FAM186B: variants seen among roughly 807,000 people sequenced by gnomAD.
FAM186B encodes protein FAM186B.
A neutral mutation model predicts 83.4 loss-of-function variants in FAM186B; 68 were observed. That is an observed-to-expected ratio of 0.81 (90% confidence interval 0.67 to 1.00). The LOEUF (loss-of-function observed/expected upper bound fraction) is 1.00, where lower values mean the gene tolerates loss of function less well. Among genes scored for constraint, FAM186B ranks in the 50% least tolerant of loss-of-function variants. FAM186B has a pLI of 0.00. For synonymous variants in FAM186B, 389 were observed against 422.0 expected (o/e 0.92, Z 0.96); for missense variants, 983 against 1,099.2 (o/e 0.89, Z 1.49).
At chr12:49,587,980 T>C (rs1225200356) in intron 6 of FAM186B, among the ~76,000 whole-genome samples, 2 of 152,176 alleles carry the variant, frequency 1.3e-5, no homozygotes, top group Non-Finnish European at 2.9e-5. Context: ...GCCCCTGTCC[T>C]TCAAGGAACA....
chr12:49,613,738 C>G, the FAM186B span, among the ~76,000 whole-genome samples: 1 of 151,724 alleles, frequency 6.6e-6, no homozygotes, highest in Non-Finnish European at 1.5e-5. Flanking sequence ...ACTTGGGAGG[C>G]TGAGGCGGGA....
Position 49,601,020 on chromosome 12 carries a change from G to A in FAM186B, c.620C>T (p.Thr207Met). ...QMLQDQHTMN[T>M]KASEVTSMLQ... ...CATGGACGTCACCTCCGAGGCCTTCGTGTTCATGGTATGCTGGTCCTGGAG... is the reference window on the plus strand; with the variant it reads ...CATGGACGTCACCTCCGAGGCCTTCATGTTCATGGTATGCTGGTCCTGGAG... Residue 207 changes from threonine (T) to methionine (M), a missense_variant, in exon 4 of 7, where the codon ACG becomes ATG. Transcript: ENST00000257894. 12 of 1,614,182 alleles carry A rather than the reference G, an allele frequency of 7.4e-6. No homozygotes were observed. The highest frequency in any genetic ancestry group is 1.0e-5 in the Non-Finnish European group (12 of 1,180,022).
chr12:49,600,857 G>A lies in FAM186B; in HGVS notation c.783C>T (p.Tyr261=). Residue 261 remains tyrosine, a synonymous_variant, in exon 4 of 7, where the codon TAC becomes TAT. Coordinates refer to ENST00000257894, the MANE Select transcript of FAM186B (RefSeq NM_032130.3). The surrounding 1 kb of genome is among the most constrained non-coding windows in gnomAD (Gnocchi z 4.3). ...TGGTCGCCTGCATTTGCAGGTGCCTGTATTTGGTCTCCAGGCTCCTGTTCT... is the reference window on the plus strand; with the variant it reads ...TGGTCGCCTGCATTTGCAGGTGCCTATATTTGGTCTCCAGGCTCCTGTTCT... ...HKENRSLETK[Y]RHLQMQATKE... 6 of 1,613,510 alleles carry A rather than the reference G, an allele frequency of 3.7e-6. No individual in the cohort carries two copies. Among genetic ancestry groups the A allele is most frequent in the East Asian group, 2.2e-5 (1 of 44,882 alleles).
chr12:49,617,806 A>T, the FAM186B span, among the ~76,000 whole-genome samples: 16 of 152,226 alleles, frequency 1.1e-4, no homozygotes, highest in African/African-American at 3.6e-4. Flanking sequence ...TAAAGGCATA[A>T]ATCCATAAGG....
chr12:49,618,550 GA>G, the FAM186B span, among the ~76,000 whole-genome samples: 3 of 149,624 alleles, frequency 2.0e-5, no homozygotes, highest in African/African-American at 4.9e-5. Flanking sequence ...ATTATGTAGA[GA>G]AAAAAAAATG....
At chr12:49,621,398 T>G in the FAM186B span, among the ~76,000 whole-genome samples, 4 of 151,950 alleles carry the variant, frequency 2.6e-5, no homozygotes, top group African/African-American at 9.7e-5. Context: ...AACAAAAGAA[T>G]GAGGCAAAGA....
intron 5 of FAM186B, chr12:49,593,171 G>A (rs1939621867): frequency 6.6e-6 from 1 of 152,246 alleles, no homozygotes; most frequent in African/African-American, 2.4e-5. Flanking sequence ...CATGGCCTCT[G>A]TGCAAGGATG....
chr12:49,591,397 G>A (rs931832139), intron 5 of FAM186B, among the ~76,000 whole-genome samples: 2 of 152,202 alleles, frequency 1.3e-5, no homozygotes, highest in African/African-American at 4.8e-5. Flanking sequence ...AAGAGTTTGT[G>A]TTTACATCTG....
Position 49,604,332 on chromosome 12 carries a change from G to A in FAM186B, c.303C>T (p.Leu101=), listed in dbSNP as rs908900511. 6.2e-7 allele frequency: 1 copy of A among 1,613,654 alleles called. No individual in the cohort carries two copies. Among genetic ancestry groups the A allele is most frequent in the African/African-American group, 1.3e-5 (1 of 74,932 alleles). The change falls in exon 2 of 7, where the codon CTC becomes CTT. Residue 101 remains leucine, a synonymous_variant. Transcript: ENST00000257894. The stretch of plus-strand genomic sequence containing the variant: ...ACTCACCCCAGTCACCCAGCCAGCG[G>A]AGAATGTCATACAGGTGCTTCTCCT... ...MMKEKHLYDI[L]RWLGDWGDTL...
chr12:49,604,264 C>A (rs758403114), intron 2 of FAM186B, 49 bp downstream of exon 2: 1 of 1,498,234 alleles, frequency 6.7e-7, no homozygotes, highest in Non-Finnish European at 9.3e-7. Context: ...GTGCTCGCCA[C>A]CCACACTCCC....
chr12:49,615,084 G>A, the FAM186B span, among the ~76,000 whole-genome samples: 3 of 151,962 alleles, frequency 2.0e-5, no homozygotes, highest in South Asian at 6.2e-4. Context: ...AGCCAAGTTC[G>A]TGCCACCACA....
the FAM186B span, among the ~76,000 whole-genome samples, chr12:49,615,368 T>C: frequency 6.6e-6 from 1 of 152,214 alleles, no homozygotes; most frequent in African/African-American, 2.4e-5. Context: ...TGAAAGCTAC[T>C]GACTAGACTA....
Position 49,600,308 on chromosome 12 carries a change from C to T in FAM186B, c.1332G>A (p.Gln444=), listed in dbSNP as rs368609897. ...GTCCTCCCTTCTGGAAGTAGTCCTC[C>T]TGGTCTTTGTCTTTGTGGCCTAAGC... ...AESLGHKDKD[Q]EDYFQKGGLQ... The change falls in exon 4 of 7, where the codon CAG becomes CAA. Residue 444 remains glutamine (Q), a synonymous_variant. Transcript: ENST00000257894. The surrounding 1 kb of genome is among the most constrained non-coding windows in gnomAD (Gnocchi z 4.3). The T allele has an allele frequency of 1.2e-6, 2 of 1,614,176 alleles. No homozygotes were observed. Among genetic ancestry groups the T allele is most frequent in the Non-Finnish European group, 1.7e-6 (2 of 1,180,026 alleles).
rs371259662 is a variant in FAM186B, at chr12:49,599,911, C to A, written c.1729G>T (p.Val577Leu). 1 of 1,613,054 alleles carries A rather than the reference C, an allele frequency of 6.2e-7. No homozygotes were observed. The highest frequency in any genetic ancestry group is 2.2e-5 in the East Asian group (1 of 44,878). Residue 577 changes from valine to leucine, a missense_variant, in exon 4 of 7, where the codon GTG (valine) becomes TTG (leucine). Coordinates refer to ENST00000257894, the MANE Select transcript of FAM186B (RefSeq NM_032130.3). ...RDLEKAELSL[V>L]PAPSRTQSAH... The stretch of plus-strand genomic sequence containing the variant: ...GATTGGGTCCGGCTTGGGGCAGGCA[C>A]TAATGATAGCTCTGCCTTCTCCAAG...
intron 5 of FAM186B, among the ~76,000 whole-genome samples, chr12:49,598,372 A>G (rs1939775947): frequency 6.6e-6 from 1 of 152,172 alleles, no homozygotes; most frequent in African/African-American, 2.4e-5. Flanking sequence ...AAGCCTGGAG[A>G]GCCACCAGAC....
downstream of FAM186B, among the ~76,000 whole-genome samples, chr12:49,586,881 G>A (rs1388694626): frequency 6.6e-6 from 1 of 152,168 alleles, no homozygotes; most frequent in East Asian, 1.9e-4. Context: ...GTCTCCAGTT[G>A]GAGGATGGGA....
In FAM186B at chr12:49,603,041, C is replaced by G; in HGVS notation, c.505+144G>C. 4 of 851,436 alleles carry G rather than the reference C, an allele frequency of 4.7e-6. No homozygotes were observed. In the Admixed American group the frequency reaches 8.4e-5, roughly 18 times the overall value. The allele number at this position is 851,436 out of a possible 1,614,324, so 52.7% of individuals were successfully genotyped here. On this transcript the variant is annotated intron_variant, in intron 3 of 6. Transcript: ENST00000257894. Reference sequence around the variant, plus strand: ...GCTTGGCCTGGGCTCAACCCTCAGCCCCTCACCACTGCCCATCCATCTCAA... The same window carrying G: ...GCTTGGCCTGGGCTCAACCCTCAGCGCCTCACCACTGCCCATCCATCTCAA...
chr12:49,599,599 C>T lies in FAM186B; in HGVS notation c.2041G>A (p.Glu681Lys). 2 of 1,612,616 alleles carry T rather than the reference C, an allele frequency of 1.2e-6. No homozygotes were observed. The highest frequency in any genetic ancestry group is 1.7e-6 in the Non-Finnish European group (2 of 1,179,214). ...KNLQLLSEES[E>K]LRLPHYLRSK... Reference sequence around the variant, plus strand: ...CGCAGGTAGTGGGGCAGCCTCAACTCAGACTCCTCACTCAGGAGCTGCAGG... The same window carrying T: ...CGCAGGTAGTGGGGCAGCCTCAACTTAGACTCCTCACTCAGGAGCTGCAGG... Residue 681 changes from glutamate to lysine, a missense_variant, in exon 4 of 7, where the codon GAG (glutamate) becomes AAG (lysine). Coordinates refer to ENST00000257894, the MANE Select transcript of FAM186B (RefSeq NM_032130.3).
upstream of FAM186B, among the ~76,000 whole-genome samples, chr12:49,607,768 C>T (rs896533932): frequency 3.9e-5 from 6 of 152,116 alleles, no homozygotes; most frequent in East Asian, 3.9e-4. Context: ...GGCGTGATCT[C>T]GGCTCACTGC....
Sources: gnomAD v4.1 joint callset for allele counts (sites outside exome capture counted in the v4.1 genomes callset) on GRCh38, gnomAD v4.1.1 for gene constraint, Gnocchi (gnomAD v3.1) non-coding constraint, MANE v1.5 for transcripts, NCBI Gene and HGNC (gene_info 2026-07-23, HGNC 2026-07-21) for gene names.